The following ANO3 variants were observed in gnomAD, a reference collection of about 807,000 sequenced individuals.
ANO3 encodes anoctamin-3.
A neutral mutation model predicts 144.8 loss-of-function variants in ANO3; 99 were observed. The ratio of observed to expected loss-of-function variants is 0.68; its 90% CI spans 0.58 to 0.81. ANO3 has a LOEUF of 0.81. ANO3 is among the 30% of genes least tolerant of loss of function. The pLI is 0.00. For missense variants in ANO3, 905 were observed against 1,202.2 expected, an observed-to-expected ratio of 0.75 and a Z score of 3.66; for synonymous variants, 414 against 392.6, an observed-to-expected ratio of 1.05 and a Z score of -0.64.
chr11:26,408,833 G>A (rs1284803088), intron 1 of ANO3, among the ~76,000 whole-genome samples: 1 of 151,798 alleles, frequency 6.6e-6, no homozygotes. Flanking sequence ...TAGGGACATG[G>A]ATGAAACTGG....
chr11:26,227,953 T>A (rs543436719), intron 1 of ANO3, among the ~76,000 whole-genome samples: 119 of 152,284 alleles, frequency 7.8e-4, no homozygotes, highest in African/African-American at 2.6e-3. Context: ...GGCATAAAGT[T>A]TAAAAACTTA....
intron 7 of ANO3, among the ~76,000 whole-genome samples, chr11:26,527,527 T>C (rs896644976): frequency 1.3e-5 from 2 of 152,074 alleles, no homozygotes; most frequent in East Asian, 1.9e-4. Flanking sequence ...ATTACAAAAT[T>C]TGGAAACTCA....
intron 4 of ANO3, among the ~76,000 whole-genome samples, chr11:26,466,371 C>T (rs904537571): frequency 2.3e-4 from 35 of 151,908 alleles, no homozygotes; most frequent in African/African-American, 8.0e-4. Flanking sequence ...TTTCCTGTAT[C>T]CACTCTATTT....
intron 1 of ANO3, among the ~76,000 whole-genome samples, chr11:26,230,549 C>G (rs2133801302): frequency 6.6e-6 from 1 of 152,060 alleles, no homozygotes; most frequent in South Asian, 2.1e-4. Flanking sequence ...GTAATCCCAG[C>G]ATTTTGGGAG....
chr11:26,645,705 G>C (rs117072300), intron 23 of ANO3, among the ~76,000 whole-genome samples: 2,185 of 152,088 alleles, frequency 0.014, 20 homozygotes, highest in Non-Finnish European at 0.024. Flanking sequence ...GGGCCTTTTT[G>C]GGGGGCAGAG....
At chr11:26,422,195 A>T (rs1223257024) in intron 1 of ANO3, among the ~76,000 whole-genome samples, 1 of 152,038 alleles carries the variant, frequency 6.6e-6, no homozygotes, top group Non-Finnish European at 1.5e-5. Flanking sequence ...AAATTTTACT[A>T]AGAGGGGACA....
At chr11:26,556,112 C>G (rs1850074874) in intron 13 of ANO3, among the ~76,000 whole-genome samples, 1 of 152,008 alleles carries the variant, frequency 6.6e-6, no homozygotes, top group South Asian at 2.1e-4. Flanking sequence ...CCTTTCATGA[C>G]TACTTTTATT....
intron 1 of ANO3, among the ~76,000 whole-genome samples, chr11:26,229,940 T>C (rs1852353006): frequency 6.6e-6 from 1 of 152,190 alleles, no homozygotes; most frequent in South Asian, 2.1e-4. Flanking sequence ...ATAGTAAAAA[T>C]CATTGTCACC....
intron 17 of ANO3, among the ~76,000 whole-genome samples, chr11:26,611,790 G>T (rs561993770): frequency 2.0e-5 from 3 of 152,100 alleles, no homozygotes; most frequent in African/African-American, 7.2e-5. Flanking sequence ...TGGGTGCTCT[G>T]GTGTTAGGTA....
intron 4 of ANO3, among the ~76,000 whole-genome samples, chr11:26,472,167 T>C (rs942144515): frequency 6.6e-5 from 10 of 151,960 alleles, no homozygotes; most frequent in Non-Finnish European, 1.3e-4. Context: ...TGTTCAGACA[T>C]GAAAGCAGCC....
At chr11:26,313,515 T>C (rs1854549683) in intron 1 of ANO3, among the ~76,000 whole-genome samples, 1 of 151,952 alleles carries the variant, frequency 6.6e-6, no homozygotes, top group African/African-American at 2.4e-5. Flanking sequence ...TGAAACCCTG[T>C]CTCTACTAAA....
intron 11 of ANO3, among the ~76,000 whole-genome samples, chr11:26,545,322 T>C (rs1455185127): frequency 6.6e-6 from 1 of 152,018 alleles, no homozygotes; most frequent in African/African-American, 2.4e-5. Flanking sequence ...TCCTTAGTAG[T>C]GGATGGAAAG....
intron 1 of ANO3, among the ~76,000 whole-genome samples, chr11:26,222,665 T>G (rs1852171273): frequency 6.6e-6 from 1 of 152,258 alleles, no homozygotes; most frequent in African/African-American, 2.4e-5. Flanking sequence ...CATGCTTCTT[T>G]AAGTCTTGCA....
intron 3 of ANO3, among the ~76,000 whole-genome samples, chr11:26,446,593 A>G (rs1858710144): frequency 6.6e-6 from 1 of 152,214 alleles, no homozygotes; most frequent in South Asian, 2.1e-4. Context: ...GGATGGGTAC[A>G]TATCATGAAA....
intron 7 of ANO3, among the ~76,000 whole-genome samples, chr11:26,527,262 A>G (rs1299045081): frequency 1.3e-5 from 2 of 152,234 alleles, no homozygotes; most frequent in South Asian, 2.1e-4. Context: ...AGAAAAATGA[A>G]CACTATTATA....
intron 1 of ANO3, among the ~76,000 whole-genome samples, chr11:26,353,983 A>G (rs564472004): frequency 6.6e-6 from 1 of 152,318 alleles, no homozygotes; most frequent in South Asian, 2.1e-4. Context: ...TTGATATTTA[A>G]TTTTTATATT....
At chr11:26,475,311 GTCAGATAGC>G (rs1859920576) in intron 4 of ANO3, among the ~76,000 whole-genome samples, 1 of 151,792 alleles carries the variant, frequency 6.6e-6, no homozygotes, top group East Asian at 1.9e-4. Context: ...GTTAACTAAG[GTCAGATAGC>G]TCAGGTGTTT....
At chr11:26,530,459 GTCTATCTA>G (rs543380394) in intron 7 of ANO3, among the ~76,000 whole-genome samples, 3,477 of 124,016 alleles carry the variant, frequency 0.028, 103 homozygotes, top group African/African-American at 0.091. Context: ...CTATCTGTCT[GTCTATCTA>G]TCTATCTATC....
intron 3 of ANO3, among the ~76,000 whole-genome samples, chr11:26,452,892 T>C (rs1257872312): frequency 1.3e-5 from 2 of 152,164 alleles, no homozygotes; most frequent in Non-Finnish European, 2.9e-5. Flanking sequence ...CGGCAGAAAC[T>C]CTACAAGCCA....
Sources: allele counts gnomAD v4.1 joint callset (sites outside exome capture counted in the v4.1 genomes callset), GRCh38; gene constraint gnomAD v4.1.1; transcripts MANE v1.5; gene names NCBI Gene and HGNC (gene_info 2026-07-23, HGNC 2026-07-21).